ZNF385D: variants seen among roughly 807,000 people sequenced by gnomAD.
ZNF385D encodes zinc finger protein 385D.
In ZNF385D, 15 loss-of-function variants were observed where a neutral mutation model predicts 35.8. The ratio of observed to expected loss-of-function variants is 0.42; its 90% CI spans 0.28 to 0.64. ZNF385D has a LOEUF of 0.64. ZNF385D is among the 30% of genes least tolerant of loss of function. The pLI, the probability that ZNF385D is intolerant of heterozygous loss-of-function variation, is 0.23. For synonymous variants in ZNF385D, 212 were observed against 186.8 expected (o/e 1.13, Z -1.10); for missense variants, 474 against 494.6 (o/e 0.96, Z 0.39).
chr3:21,781,268 A>G (rs936656971), intron 3 of ZNF385D, among the ~76,000 whole-genome samples: 6 of 152,136 alleles, frequency 3.9e-5, no homozygotes, highest in African/African-American at 1.2e-4. Flanking sequence ...TAATATTTTC[A>G]GAGGATACAT....
At chr3:21,767,328 T>C (rs2070873128) in intron 3 of ZNF385D, among the ~76,000 whole-genome samples, 1 of 151,898 alleles carries the variant, frequency 6.6e-6, no homozygotes, top group Admixed American at 6.6e-5. Context: ...TTACTCATTC[T>C]TTCTCCTTTT....
intron 7 of ZNF385D, among the ~76,000 whole-genome samples, chr3:21,423,154 T>C (rs1051600078): frequency 3.9e-5 from 6 of 151,936 alleles, no homozygotes; most frequent in African/African-American, 1.4e-4. Flanking sequence ...GGATACAAAA[T>C]TAAAATAACT....
intron 4 of ZNF385D, chr3:21,443,399 C>T (rs1701965411): frequency 4.1e-6 from 4 of 970,292 alleles, no homozygotes; most frequent in Non-Finnish European, 4.9e-6. Flanking sequence ...TTTGTATGCT[C>T]GGTCCTGAAA....
At chr3:21,452,929 G>C (rs73044422) in intron 4 of ZNF385D, among the ~76,000 whole-genome samples, 41,898 of 151,540 alleles carry the variant, frequency 0.28, 6,411 homozygotes, top group East Asian at 0.43. Context: ...TAAAGTTAGA[G>C]GATTCGAGAA....
intron 3 of ZNF385D, chr3:21,979,546 A>G (rs967476958): frequency 1.3e-5 from 2 of 152,200 alleles, no homozygotes; most frequent in Non-Finnish European, 2.9e-5. Flanking sequence ...TTACAGTTTC[A>G]TATAAATAGA....
At chr3:22,341,834 C>T (rs1695432528) in intron 2 of ZNF385D, among the ~76,000 whole-genome samples, 1 of 152,170 alleles carries the variant, frequency 6.6e-6, no homozygotes, top group Non-Finnish European at 1.5e-5. Context: ...TAAAACAATA[C>T]TATTTCTTGT....
chr3:22,069,696 C>G (rs1393095330), intron 3 of ZNF385D, among the ~76,000 whole-genome samples: 1 of 152,102 alleles, frequency 6.6e-6, no homozygotes, highest in Middle Eastern at 3.2e-3. Context: ...GAAGATGAAA[C>G]TCAAGGATTC....
At chr3:22,153,617 C>T (rs1413460417) in intron 3 of ZNF385D, among the ~76,000 whole-genome samples, 2 of 151,934 alleles carry the variant, frequency 1.3e-5, no homozygotes, top group Admixed American at 1.3e-4. Context: ...GCACCCACCA[C>T]TATACCCTGA....
At chr3:22,216,690 T>A (rs762709343) in intron 2 of ZNF385D, among the ~76,000 whole-genome samples, 4 of 152,162 alleles carry the variant, frequency 2.6e-5, no homozygotes, top group Non-Finnish European at 5.9e-5. Flanking sequence ...TAGTAAAGTC[T>A]GCTTGCAGCT....
intron 3 of ZNF385D, among the ~76,000 whole-genome samples, chr3:21,831,988 C>T (rs924784542): frequency 6.6e-6 from 1 of 152,148 alleles, no homozygotes; most frequent in African/African-American, 2.4e-5. Context: ...TTATAATGCA[C>T]TATCCCTTTA....
chr3:22,303,448 T>C (rs898572628), intron 2 of ZNF385D, among the ~76,000 whole-genome samples: 3 of 152,082 alleles, frequency 2.0e-5, no homozygotes, highest in Non-Finnish European at 2.9e-5. Flanking sequence ...CAAGGAGAGG[T>C]ATTTGCTTTA....
At chr3:21,847,369 G>A (rs1049850360) in intron 3 of ZNF385D, among the ~76,000 whole-genome samples, 4 of 151,304 alleles carry the variant, frequency 2.6e-5, no homozygotes, top group Admixed American at 6.6e-5. Context: ...CTACTATCAC[G>A]ATATCAAAAA....
chr3:21,542,344 TC>T (rs1455950487), intron 3 of ZNF385D, among the ~76,000 whole-genome samples: 5 of 60,466 alleles, frequency 8.3e-5, no homozygotes, highest in African/African-American at 3.2e-4. Context: ...TTCTTCTCTT[TC>T]TTTTTTTTTT....
chr3:22,253,848 C>T (rs1047622102), intron 2 of ZNF385D, among the ~76,000 whole-genome samples: 3 of 150,712 alleles, frequency 2.0e-5, no homozygotes, highest in Non-Finnish European at 3.0e-5. Context: ...ACAAACAAAA[C>T]ATGACAAGAG....
At chr3:21,623,914 G>T (rs149492716) in intron 2 of ZNF385D, among the ~76,000 whole-genome samples, 1 of 152,178 alleles carries the variant, frequency 6.6e-6, no homozygotes, top group East Asian at 1.9e-4. Context: ...GATTATGCAT[G>T]TTGACGGGTT....
chr3:21,696,883 C>T (rs1257692544), intron 1 of ZNF385D, among the ~76,000 whole-genome samples: 2 of 152,162 alleles, frequency 1.3e-5, no homozygotes, highest in Non-Finnish European at 2.9e-5. Flanking sequence ...TAATAAGGAA[C>T]CTGAAGTTAG....
intron 3 of ZNF385D, among the ~76,000 whole-genome samples, chr3:21,826,233 T>C (rs1694614230): frequency 6.6e-6 from 1 of 152,210 alleles, no homozygotes; most frequent in South Asian, 2.1e-4. Flanking sequence ...GAAGGCTGAC[T>C]ACAAATTAGA....
intron 3 of ZNF385D, among the ~76,000 whole-genome samples, chr3:21,855,935 C>T (rs1255924225): frequency 6.6e-6 from 1 of 151,838 alleles, no homozygotes; most frequent in Non-Finnish European, 1.5e-5. Flanking sequence ...ATGCTGCCAC[C>T]AAACACAGAA....
intron 3 of ZNF385D, among the ~76,000 whole-genome samples, chr3:21,894,719 A>G (rs1303399791): frequency 1.3e-5 from 2 of 152,192 alleles, no homozygotes; most frequent in African/African-American, 4.8e-5. Context: ...AATGACTGAT[A>G]TATTTAAGTA....
Sources: allele counts gnomAD v4.1 joint callset (sites outside exome capture counted in the v4.1 genomes callset), GRCh38; gene constraint gnomAD v4.1.1; transcripts MANE v1.5; gene names NCBI Gene and HGNC (gene_info 2026-07-23, HGNC 2026-07-21).